The following SLC24A2 variants were observed in gnomAD, a reference collection of about 807,000 sequenced individuals.
SLC24A2 encodes solute carrier family 24 member 2, also known as sodium/potassium/calcium exchanger 2.
Under a neutral mutation model 62.0 loss-of-function variants are expected in SLC24A2, and 36 were observed. That is an observed-to-expected ratio of 0.58 (90% CI 0.44 to 0.77). The LOEUF is 0.77. SLC24A2 is among the 30% of genes least tolerant of loss of function. The pLI is 0.00. For synonymous variants in SLC24A2, 358 were observed against 294.0 expected (o/e 1.22, Z -2.23); for missense variants, 846 against 817.9 (o/e 1.03, Z -0.42).
At chr9:20,256,886 C>G in the SLC24A2 span, among the ~76,000 whole-genome samples, 169 of 150,032 alleles carry the variant, frequency 1.1e-3, 1 homozygote, top group Middle Eastern at 6.8e-3. Flanking sequence ...GAAAGGAAAC[C>G]AAAAAGAAAA....
intron 2 of SLC24A2, among the ~76,000 whole-genome samples, chr9:19,708,729 T>C (rs1385693023): frequency 6.6e-6 from 1 of 152,192 alleles, no homozygotes; most frequent in African/African-American, 2.4e-5. Flanking sequence ...CTGGATCCCT[T>C]CCTTACATCT....
chr9:20,053,021 T>A, the SLC24A2 span, among the ~76,000 whole-genome samples: 2 of 152,214 alleles, frequency 1.3e-5, no homozygotes, highest in Non-Finnish European at 2.9e-5. Flanking sequence ...AACTCAGTAT[T>A]TGGGTTTCAT....
At chr9:19,933,743 A>G in the SLC24A2 span, among the ~76,000 whole-genome samples, 3 of 152,250 alleles carry the variant, frequency 2.0e-5, no homozygotes, top group South Asian at 6.2e-4. Flanking sequence ...TGATGAATGG[A>G]TAAACGAAAT....
At chr9:20,060,671 A>G in the SLC24A2 span, among the ~76,000 whole-genome samples, 1 of 152,274 alleles carries the variant, frequency 6.6e-6, no homozygotes, top group African/African-American at 2.4e-5. Flanking sequence ...GGTGTCCATG[A>G]AAAATTTTTG....
At chr9:19,575,891 G>A (rs915793744) in intron 6 of SLC24A2, among the ~76,000 whole-genome samples, 2 of 152,192 alleles carry the variant, frequency 1.3e-5, no homozygotes, top group African/African-American at 4.8e-5. Flanking sequence ...CTTTCATGGT[G>A]TGGCTTTACA....
chr9:19,883,361 T>G, the SLC24A2 span, among the ~76,000 whole-genome samples: 1 of 152,186 alleles, frequency 6.6e-6, no homozygotes. Context: ...TGTGTACAAA[T>G]CAGAGTCTTA....
At chr9:19,677,703 C>T (rs1321960984) in intron 2 of SLC24A2, among the ~76,000 whole-genome samples, 1 of 151,796 alleles carries the variant, frequency 6.6e-6, no homozygotes, top group Non-Finnish European at 1.5e-5. Context: ...TATACAAATA[C>T]ATTTACATAT....
At chr9:19,850,946 CATATATATATAT>C in the SLC24A2 span, among the ~76,000 whole-genome samples, 1 of 24,720 alleles carries the variant, frequency 4.0e-5, no homozygotes, top group African/African-American at 1.1e-4. Context: ...TATATATATA[CATATATATATAT>C]ATATATATGT....
chr9:20,031,613 T>C, the SLC24A2 span, among the ~76,000 whole-genome samples: 1 of 152,166 alleles, frequency 6.6e-6, no homozygotes, highest in African/African-American at 2.4e-5. Context: ...CCAATGTCTA[T>C]CACAGAGTTA....
chr9:20,125,369 A>T, the SLC24A2 span, among the ~76,000 whole-genome samples: 3 of 152,328 alleles, frequency 2.0e-5, no homozygotes, highest in African/African-American at 7.2e-5. Context: ...CAAAACTAGA[A>T]TTTGAACCTT....
chr9:19,891,577 CTT>C, the SLC24A2 span, among the ~76,000 whole-genome samples: 1 of 152,008 alleles, frequency 6.6e-6, no homozygotes, highest in Non-Finnish European at 1.5e-5. Flanking sequence ...ATGCAATGCT[CTT>C]TTAAATTACC....
the SLC24A2 span, among the ~76,000 whole-genome samples, chr9:20,207,438 C>G: frequency 6.5e-3 from 994 of 152,312 alleles, 9 homozygotes; most frequent in East Asian, 0.024. Context: ...CTCACACACT[C>G]TATACAGGTC....
intron 5 of SLC24A2, among the ~76,000 whole-genome samples, chr9:19,578,478 T>G (rs1226288361): frequency 6.6e-6 from 1 of 152,118 alleles, no homozygotes; most frequent in Non-Finnish European, 1.5e-5. Context: ...ATTCTCATTT[T>G]AAACTGATTA....
the SLC24A2 span, among the ~76,000 whole-genome samples, chr9:19,857,980 T>A: frequency 6.6e-6 from 1 of 152,186 alleles, no homozygotes; most frequent in Non-Finnish European, 1.5e-5. Context: ...AATGACATTC[T>A]TCTGAGAATT....
At chr9:20,060,098 G>T in the SLC24A2 span, among the ~76,000 whole-genome samples, 11 of 151,954 alleles carry the variant, frequency 7.2e-5, no homozygotes, top group African/African-American at 2.7e-4. Context: ...ATTAAAATTT[G>T]CTCTTGAAGA....
the SLC24A2 span, among the ~76,000 whole-genome samples, chr9:20,205,069 G>A: frequency 0.016 from 2,456 of 151,950 alleles, 89 homozygotes; most frequent in Admixed American, 0.079. Context: ...TTTTAAACAC[G>A]ACCCTTCAGT....
chr9:19,746,868 G>C (rs944871407), intron 2 of SLC24A2, among the ~76,000 whole-genome samples: 1 of 152,008 alleles, frequency 6.6e-6, no homozygotes, highest in Non-Finnish European at 1.5e-5. Flanking sequence ...GGTTCTTATA[G>C]GAGTCCCTAA....
At chr9:19,521,121 C>T (rs1351198150) in intron 9 of SLC24A2, 61 bp from the exon 10 acceptor site, 13 of 1,505,592 alleles carry the variant, frequency 8.6e-6, no homozygotes, top group Non-Finnish European at 9.2e-6. Context: ...ATAAAAATCA[C>T]AAAAATTTCA....
At chr9:19,813,849 C>T in the SLC24A2 span, among the ~76,000 whole-genome samples, 4 of 152,076 alleles carry the variant, frequency 2.6e-5, no homozygotes, top group African/African-American at 4.8e-5. Context: ...AGGGAGAATG[C>T]ACCATTTCTA....
Sources: allele counts gnomAD v4.1 joint callset (sites outside exome capture counted in the v4.1 genomes callset), GRCh38; gene constraint gnomAD v4.1.1; transcripts MANE v1.5; gene names NCBI Gene and HGNC (gene_info 2026-07-23, HGNC 2026-07-21).